Variants in NRG3 observed in about 807,000 individuals in gnomAD.
The protein encoded by NRG3 is pro-neuregulin-3, membrane-bound isoform.
Under a neutral mutation model 66.9 loss-of-function variants are expected in NRG3, and 31 were observed. The observed-to-expected ratio is 0.46, with a 90% CI of 0.35 to 0.63. The LOEUF is 0.63. Ranked by LOEUF, NRG3 falls within the 20% of genes least tolerant of loss-of-function variation. The pLI is 0.00. For synonymous variants in NRG3, 393 were observed against 359.4 expected (o/e 1.09, Z -1.06); for missense variants, 910 against 878.9 (o/e 1.04, Z -0.45).
At chr10:82,236,779 G>A (rs945102608) in intron 1 of NRG3, among the ~76,000 whole-genome samples, 4 of 141,390 alleles carry the variant, frequency 2.8e-5, no homozygotes, top group Non-Finnish European at 6.0e-5. Flanking sequence ...GCAGTGGTGC[G>A]ATCTCCGCCT....
At chr10:82,473,228 C>T (rs117670971) in intron 2 of NRG3, among the ~76,000 whole-genome samples, 2,367 of 152,276 alleles carry the variant, frequency 0.016, 31 homozygotes, top group Middle Eastern at 0.027. Context: ...TTCAGAACCA[C>T]GCACTGAGCT....
Position 82,443,425 on chromosome 10 carries a change from G to A in NRG3, c.953+84557G>A, listed in dbSNP as rs1217503502. Among the ~76,000 whole-genome samples, 4 of 152,142 alleles carry A rather than the reference G, an allele frequency of 2.6e-5. No homozygotes were observed. In the East Asian group the frequency reaches 7.7e-4, roughly 29 times the overall value. On this transcript the variant is annotated intron_variant, in intron 2 of 8. Transcript: ENST00000372141. ...TAGTCCTTTTGGGCGCTAGACATGTGGACAATTACAATAATGCAGATTAAC... is the reference window on the plus strand; with the variant it reads ...TAGTCCTTTTGGGCGCTAGACATGTAGACAATTACAATAATGCAGATTAAC...
chr10:82,554,967 A>G (rs1163181423), intron 2 of NRG3, among the ~76,000 whole-genome samples: 3 of 152,128 alleles, frequency 2.0e-5, no homozygotes, highest in Non-Finnish European at 4.4e-5. Context: ...GCCTCCCTGC[A>G]GTGGCCCAGC....
At chr10:82,933,256 A>ATTTC (rs1847759247) in intron 4 of NRG3, among the ~76,000 whole-genome samples, 1 of 151,992 alleles carries the variant, frequency 6.6e-6, no homozygotes, top group African/African-American at 2.4e-5. Flanking sequence ...TTATTTATTT[A>ATTTC]TTTATTTGCA....
At chr10:82,636,787 G>T in intron 2 of NRG3, among the ~76,000 whole-genome samples, 1 of 151,378 alleles carries the variant, frequency 6.6e-6, no homozygotes, top group Non-Finnish European at 1.5e-5. Context: ...GGGTCATATG[G>T]TAACTCTGTT....
intron 1 of NRG3, among the ~76,000 whole-genome samples, chr10:81,913,629 G>A (rs950312654): frequency 2.0e-5 from 3 of 151,974 alleles, no homozygotes. Context: ...TCACCATGTT[G>A]GCCAGGCTGG....
chr10:82,526,126 G>T (rs1000965915), intron 2 of NRG3, among the ~76,000 whole-genome samples: 1 of 151,860 alleles, frequency 6.6e-6, no homozygotes, highest in African/African-American at 2.4e-5. Context: ...TACTTTCTGG[G>T]TGTTAGAATA....
chr10:82,964,887 A>G (rs1413668929), intron 6 of NRG3, among the ~76,000 whole-genome samples: 1 of 152,186 alleles, frequency 6.6e-6, no homozygotes, highest in African/African-American at 2.4e-5. Flanking sequence ...CCTGGAAACA[A>G]TGCTGTTATT....
intron 1 of NRG3, among the ~76,000 whole-genome samples, chr10:82,299,541 C>G (rs574498786): frequency 8.1e-6 from 1 of 124,074 alleles, no homozygotes; most frequent in Admixed American, 7.8e-5. Context: ...GGGCTCCAAT[C>G]CAGCCCTGTT....
intron 2 of NRG3, among the ~76,000 whole-genome samples, chr10:82,400,472 A>T (rs1286678548): frequency 6.6e-6 from 1 of 152,146 alleles, no homozygotes; most frequent in Non-Finnish European, 1.5e-5. Context: ...TCTGTTTTTA[A>T]CAAGCTTCAG....
chr10:82,185,083 CAG>C (rs1417365137), intron 1 of NRG3, among the ~76,000 whole-genome samples: 13 of 151,990 alleles, frequency 8.6e-5, no homozygotes, highest in African/African-American at 2.2e-4. Context: ...AGGCTGGAGA[CAG>C]AGTTTGCAAG....
chr10:82,466,595 C>T (rs1431318125), intron 2 of NRG3, among the ~76,000 whole-genome samples: 1 of 152,082 alleles, frequency 6.6e-6, no homozygotes, highest in African/African-American at 2.4e-5. Context: ...GGTAAATAAG[C>T]AGGATGCTGC....
intron 4 of NRG3, among the ~76,000 whole-genome samples, chr10:82,911,645 C>T (rs1294239158): frequency 6.6e-6 from 1 of 151,396 alleles, no homozygotes; most frequent in Non-Finnish European, 1.5e-5. Context: ...CTTAGTTAAA[C>T]TGGCTTTTAG....
intron 1 of NRG3, among the ~76,000 whole-genome samples, chr10:82,188,323 A>C (rs1564644728): frequency 6.6e-6 from 1 of 152,306 alleles, no homozygotes; most frequent in African/African-American, 2.4e-5. Context: ...TGGATTAAAA[A>C]GTTAAACCTA....
chr10:82,518,733 T>C lies in NRG3; in HGVS notation c.953+159865T>C, dbSNP rs549126917. ...GGCCATTAAGGTCCACAGAGAGAGGTGGAAGGAAGGGTGGTCTGAATGGGC... is the reference window on the plus strand; with the variant it reads ...GGCCATTAAGGTCCACAGAGAGAGGCGGAAGGAAGGGTGGTCTGAATGGGC... On this transcript the variant is annotated intron_variant, in intron 2 of 8. Transcript: ENST00000372141. Among the ~76,000 whole-genome samples, 7 of 151,496 alleles carry C rather than the reference T, an allele frequency of 4.6e-5. No homozygotes were observed. The East Asian group carries it at 7.8e-4, about 17-fold the overall frequency.
chr10:81,961,587 G>A (rs1361486440), intron 1 of NRG3, among the ~76,000 whole-genome samples: 2 of 152,136 alleles, frequency 1.3e-5, no homozygotes, highest in Non-Finnish European at 2.9e-5. Flanking sequence ...TAAACTTTAG[G>A]TAACAATATA....
intron 3 of NRG3, among the ~76,000 whole-genome samples, chr10:82,797,705 T>C (rs1177406536): frequency 6.6e-6 from 1 of 152,188 alleles, no homozygotes; most frequent in South Asian, 2.1e-4. Flanking sequence ...TAACTGTTTT[T>C]TGCCTTCTCT....
intron 3 of NRG3, among the ~76,000 whole-genome samples, chr10:82,847,866 T>C (rs369521393): frequency 6.6e-6 from 1 of 152,230 alleles, no homozygotes; most frequent in East Asian, 1.9e-4. Context: ...TTATTTATTC[T>C]AATATCCTCA....
intron 2 of NRG3, among the ~76,000 whole-genome samples, chr10:82,548,558 CACG>C (rs1163895407): frequency 8.3e-4 from 125 of 150,162 alleles, no homozygotes; most frequent in African/African-American, 2.7e-3. Flanking sequence ...CACACACACA[CACG>C]CACACGCACA....
Sources: gnomAD v4.1 joint callset for allele counts (sites outside exome capture counted in the v4.1 genomes callset) on GRCh38, gnomAD v4.1.1 for gene constraint, MANE v1.5 for transcripts, NCBI Gene and HGNC (gene_info 2026-07-23, HGNC 2026-07-21) for gene names.